ZNF385B: variants seen among roughly 807,000 people sequenced by gnomAD.
The protein encoded by ZNF385B is zinc finger protein 385B.
Under a neutral mutation model 39.2 loss-of-function variants are expected in ZNF385B, and 23 were observed. That is an observed-to-expected ratio of 0.59 (90% CI 0.42 to 0.83). The LOEUF is 0.83. Among genes scored for constraint, ZNF385B ranks in the 40% least tolerant of loss-of-function variants. ZNF385B has a pLI of 0.00. For synonymous variants in ZNF385B, 205 were observed against 222.6 expected (o/e 0.92, Z 0.70); for missense variants, 552 against 598.9 (o/e 0.92, Z 0.82).
At chr2:179,446,412 G>T in intron 7 of ZNF385B, 113 bp downstream of exon 7, 2 of 1,402,950 alleles carry the variant, frequency 1.4e-6, no homozygotes, top group Non-Finnish European at 1.9e-6. Context: ...AATCAAAAAA[G>T]TAGAGAAGCA....
At chr2:179,746,183 A>G (rs1433481581) in intron 3 of ZNF385B, 15 of 272,244 alleles carry the variant, frequency 5.5e-5, no homozygotes, top group Non-Finnish European at 7.9e-5. Flanking sequence ...CCACAGATTT[A>G]GCACCAAACC....
chr2:179,829,878 A>C lies in ZNF385B; in HGVS notation c.-155+31223T>G, dbSNP rs184918489. ...ATGAAAGAAAAATAATGATAGAAGA[A>C]ACTTAACTGAAATTTAAAACTTTGG... On this transcript the variant is annotated intron_variant, in intron 1 of 9. Coordinates refer to ENST00000410066, the MANE Select transcript of ZNF385B (RefSeq NM_152520.6). Among the ~76,000 whole-genome samples the C allele has an allele frequency of 2.0e-5, 3 of 152,358 alleles. No individual in the cohort carries two copies. The East Asian group carries it at 5.8e-4, about 29-fold the overall frequency.
intron 3 of ZNF385B, among the ~76,000 whole-genome samples, chr2:179,655,459 G>T (rs1693645555): frequency 6.7e-6 from 1 of 149,528 alleles, no homozygotes; most frequent in Admixed American, 6.8e-5. Context: ...GTCTCTAGAG[G>T]TATTAAATAT....
intron 1 of ZNF385B, among the ~76,000 whole-genome samples, chr2:179,787,275 A>G (rs1046570500): frequency 2.0e-5 from 3 of 151,690 alleles, no homozygotes; most frequent in Non-Finnish European, 4.4e-5. Flanking sequence ...TTCATTTTTG[A>G]CCTCTGCCTT....
chr2:179,510,666 A>G (rs2057608379), intron 5 of ZNF385B, among the ~76,000 whole-genome samples: 1 of 152,168 alleles, frequency 6.6e-6, no homozygotes, highest in Non-Finnish European at 1.5e-5. Flanking sequence ...CCAGTTGTTA[A>G]GCTAAAAAAA....
chr2:179,804,061 C>G (rs904652453), intron 1 of ZNF385B, among the ~76,000 whole-genome samples: 2 of 152,140 alleles, frequency 1.3e-5, no homozygotes, highest in African/African-American at 4.8e-5. Flanking sequence ...ATCTGTTTAT[C>G]CCTGTTCTGC....
At chr2:179,620,328 T>C (rs1353427945) in intron 3 of ZNF385B, among the ~76,000 whole-genome samples, 3 of 152,196 alleles carry the variant, frequency 2.0e-5, no homozygotes, top group Non-Finnish European at 4.4e-5. Context: ...AGTGATACTC[T>C]GATCTTCGGA....
intron 5 of ZNF385B, among the ~76,000 whole-genome samples, chr2:179,493,776 T>TATACATATGTGC: frequency 1.2e-5 from 1 of 82,524 alleles, no homozygotes; most frequent in Non-Finnish European, 3.0e-5. Flanking sequence ...TACATATATG[T>TATACATATGTGC]ATATACACAT....
Position 179,712,170 on chromosome 2 carries a change from T to C in ZNF385B, c.298+57333A>G, listed in dbSNP as rs141903712. ...AACTATTACATTCTCTACTTCTGGG[T>C]TGCTAAGTTTTGTTGGATAAAATTA... On this transcript the variant is annotated intron_variant, in intron 3 of 9. Transcript: ENST00000410066. Among the ~76,000 whole-genome samples the C allele has an allele frequency of 1.4e-4, 22 of 152,296 alleles. 1 individual carries two copies. The East Asian group carries it at 4.1e-3, about 28-fold the overall frequency.
chr2:179,663,713 CA>C (rs71401756), intron 3 of ZNF385B, among the ~76,000 whole-genome samples: 13,326 of 66,958 alleles, frequency 0.2, 322 homozygotes, highest in South Asian at 0.28. Flanking sequence ...GACTCCGTCT[CA>C]AAAAAAAAAA....
intron 6 of ZNF385B, among the ~76,000 whole-genome samples, chr2:179,461,399 T>C (rs985890303): frequency 7.2e-5 from 11 of 152,162 alleles, no homozygotes; most frequent in African/African-American, 2.7e-4. Context: ...TGGTAGAGAA[T>C]TGAGCAGTGG....
At chr2:179,769,225 A>G (rs1289085941) in intron 3 of ZNF385B, among the ~76,000 whole-genome samples, 2 of 152,234 alleles carry the variant, frequency 1.3e-5, no homozygotes, top group Non-Finnish European at 2.9e-5. Flanking sequence ...TACATTCAGA[A>G]GTGTTCACAC....
At chr2:179,830,038 C>A (rs1039612094) in intron 1 of ZNF385B, among the ~76,000 whole-genome samples, 1 of 152,170 alleles carries the variant, frequency 6.6e-6, no homozygotes, top group Non-Finnish European at 1.5e-5. Flanking sequence ...AAGAGCCCAA[C>A]TGAAAAAGAG....
At chr2:179,570,451 C>T (rs1235295635) in intron 3 of ZNF385B, among the ~76,000 whole-genome samples, 1 of 152,098 alleles carries the variant, frequency 6.6e-6, no homozygotes, top group Admixed American at 6.6e-5. Flanking sequence ...TTGCTTTTAC[C>T]ATTTAATAGT....
At chr2:179,444,791 G>T (rs2049299413) in intron 9 of ZNF385B, 85 bp downstream of exon 9, 2 of 1,121,502 alleles carry the variant, frequency 1.8e-6, no homozygotes, top group Non-Finnish European at 1.4e-6. Flanking sequence ...CATGACATTA[G>T]ACTCTATGCC....
chr2:179,856,127 A>T (rs2105452366), intron 1 of ZNF385B, among the ~76,000 whole-genome samples: 1 of 152,326 alleles, frequency 6.6e-6, no homozygotes, highest in East Asian at 1.9e-4. Flanking sequence ...TCCTGAAGTG[A>T]TTACAGTGTG....
chr2:179,449,783 C>T (rs1049415963), intron 6 of ZNF385B, among the ~76,000 whole-genome samples: 8 of 152,050 alleles, frequency 5.3e-5, no homozygotes, highest in African/African-American at 1.2e-4. Context: ...AAAAAGAGCC[C>T]GCATCGCCAA....
chr2:179,564,823 T>C (rs1002722647), intron 3 of ZNF385B, among the ~76,000 whole-genome samples: 1 of 152,124 alleles, frequency 6.6e-6, no homozygotes, highest in African/African-American at 2.4e-5. Flanking sequence ...CATTGGCACC[T>C]CAAGTTCAAC....
chr2:179,560,785 A>C (rs998053009), intron 3 of ZNF385B, among the ~76,000 whole-genome samples: 1 of 152,166 alleles, frequency 6.6e-6, no homozygotes, highest in East Asian at 1.9e-4. Context: ...AGCACTCATA[A>C]AATTTGTCAT....
Sources: allele counts gnomAD v4.1 joint callset (sites outside exome capture counted in the v4.1 genomes callset), GRCh38; gene constraint gnomAD v4.1.1; transcripts MANE v1.5; gene names NCBI Gene and HGNC (gene_info 2026-07-23, HGNC 2026-07-21).